KCNIP4: variants seen among roughly 807,000 people sequenced by gnomAD.
KCNIP4 encodes potassium voltage-gated channel interacting protein 4, also known as Kv channel-interacting protein 4.
Under a neutral mutation model 34.0 loss-of-function variants are expected in KCNIP4, and 12 were observed. The ratio of observed to expected loss-of-function variants is 0.35; its 90% confidence interval spans 0.23 to 0.57. KCNIP4 has a LOEUF of 0.57. Ranked by LOEUF, KCNIP4 falls within the 20% of genes least tolerant of loss-of-function variation. KCNIP4 has a pLI of 0.83. For synonymous variants in KCNIP4, 124 were observed against 102.2 expected (o/e 1.21, Z -1.29); for missense variants, 238 against 311.7 (o/e 0.76, Z 1.78).
chr4:21,683,207 C>G (rs1397379564), intron 1 of KCNIP4, among the ~76,000 whole-genome samples: 1 of 152,104 alleles, frequency 6.6e-6, no homozygotes, highest in Non-Finnish European at 1.5e-5. Context: ...ATGTGCCACA[C>G]ATATTAAAGA....
At chr4:21,834,938 G>T (rs1020350222) in intron 1 of KCNIP4, among the ~76,000 whole-genome samples, 4 of 152,076 alleles carry the variant, frequency 2.6e-5, no homozygotes, top group Non-Finnish European at 5.9e-5. Context: ...TCCCAGGGAT[G>T]AAGCCCACTT....
intron 1 of KCNIP4, among the ~76,000 whole-genome samples, chr4:21,272,333 A>G (rs1018007987): frequency 1.5e-4 from 23 of 152,210 alleles, no homozygotes; most frequent in Admixed American, 1.4e-3. Flanking sequence ...ATTTATTCAT[A>G]TATAAAAACA....
chr4:21,317,597 A>G (rs1292376580), intron 1 of KCNIP4, among the ~76,000 whole-genome samples: 3 of 152,224 alleles, frequency 2.0e-5, no homozygotes, highest in African/African-American at 7.2e-5. Context: ...ATATTTATCA[A>G]GAAATCATTG....
chr4:20,885,892 C>T (rs1725252791), intron 1 of KCNIP4, among the ~76,000 whole-genome samples: 1 of 152,150 alleles, frequency 6.6e-6, no homozygotes, highest in Admixed American at 6.5e-5. Flanking sequence ...ACTTTCTCTT[C>T]ATCTGGTTAA....
intron 2 of KCNIP4, among the ~76,000 whole-genome samples, chr4:20,853,638 A>T (rs1721271821): frequency 6.6e-6 from 1 of 152,188 alleles, no homozygotes; most frequent in African/African-American, 2.4e-5. Context: ...AAAAACAAAG[A>T]TAAATAGCTG....
At chr4:20,840,449 C>T (rs527944187) in intron 3 of KCNIP4, among the ~76,000 whole-genome samples, 14 of 152,268 alleles carry the variant, frequency 9.2e-5, no homozygotes, top group South Asian at 6.2e-4. Context: ...CATAGGAAGA[C>T]GTATTTCTCA....
chr4:21,526,936 A>T (rs1736021603), intron 1 of KCNIP4, among the ~76,000 whole-genome samples: 1 of 152,156 alleles, frequency 6.6e-6, no homozygotes, highest in African/African-American at 2.4e-5. Flanking sequence ...CCCACAACAA[A>T]TCACAAAAGG....
intron 1 of KCNIP4, among the ~76,000 whole-genome samples, chr4:21,102,941 A>G (rs1224140887): frequency 1.3e-5 from 2 of 152,188 alleles, no homozygotes; most frequent in African/African-American, 2.4e-5. Flanking sequence ...AATGTGAGTC[A>G]AACCACAGAT....
intron 1 of KCNIP4, among the ~76,000 whole-genome samples, chr4:21,309,554 C>T (rs1712896008): frequency 6.6e-6 from 1 of 152,094 alleles, no homozygotes; most frequent in Non-Finnish European, 1.5e-5. Flanking sequence ...ATGATAATAG[C>T]TCATGTGTGT....
At chr4:20,915,970 A>T (rs1242793532) in intron 1 of KCNIP4, among the ~76,000 whole-genome samples, 2 of 152,148 alleles carry the variant, frequency 1.3e-5, no homozygotes, top group African/African-American at 4.8e-5. Flanking sequence ...CTGCATTCTT[A>T]CACTCTCCCA....
chr4:20,871,372 G>A (rs1462543893), intron 2 of KCNIP4, among the ~76,000 whole-genome samples: 1 of 151,868 alleles, frequency 6.6e-6, no homozygotes, highest in Admixed American at 6.6e-5. Context: ...GTAATATTAA[G>A]ACCATCAAAC....
At chr4:21,053,587 A>G (rs1489867449) in intron 1 of KCNIP4, among the ~76,000 whole-genome samples, 1 of 152,220 alleles carries the variant, frequency 6.6e-6, no homozygotes, top group African/African-American at 2.4e-5. Flanking sequence ...CTTTGTTCTC[A>G]GATGACATGG....
intron 1 of KCNIP4, among the ~76,000 whole-genome samples, chr4:21,497,945 A>C (rs1732985641): frequency 1.3e-5 from 2 of 152,192 alleles, no homozygotes; most frequent in African/African-American, 4.8e-5. Context: ...CTTTCAGTGC[A>C]AAGATATCTG....
intron 3 of KCNIP4, among the ~76,000 whole-genome samples, chr4:20,847,817 G>A (rs754039719): frequency 9.2e-5 from 14 of 152,126 alleles, no homozygotes; most frequent in African/African-American, 7.2e-5. Flanking sequence ...ATATGTTGAC[G>A]AATGGTTTAT....
At chr4:21,238,833 C>T (rs1399811720) in intron 1 of KCNIP4, among the ~76,000 whole-genome samples, 1 of 152,126 alleles carries the variant, frequency 6.6e-6, no homozygotes, top group African/African-American at 2.4e-5. Flanking sequence ...AATGCCATCC[C>T]CATCAAGCTA....
At chr4:20,913,690 CTGGA>C (rs1728548408) in intron 1 of KCNIP4, among the ~76,000 whole-genome samples, 2 of 152,298 alleles carry the variant, frequency 1.3e-5, no homozygotes, top group East Asian at 3.9e-4. Context: ...GGTTAAGCAG[CTGGA>C]CAGAATGAAT....
At chr4:21,614,141 T>A (rs1459356423) in intron 1 of KCNIP4, among the ~76,000 whole-genome samples, 1 of 117,786 alleles carries the variant, frequency 8.5e-6, no homozygotes, top group African/African-American at 3.1e-5. Context: ...CGAGACTCTA[T>A]CTCAAAAAAA....
At chr4:21,495,572 G>C (rs1732781933) in intron 1 of KCNIP4, among the ~76,000 whole-genome samples, 1 of 151,906 alleles carries the variant, frequency 6.6e-6, no homozygotes, top group African/African-American at 2.4e-5. Context: ...TGACCACAGT[G>C]ATTGTTAAAC....
intron 1 of KCNIP4, among the ~76,000 whole-genome samples, chr4:21,140,501 C>T (rs998853480): frequency 6.6e-6 from 1 of 152,104 alleles, no homozygotes; most frequent in South Asian, 2.1e-4. Context: ...TAACGCACCT[C>T]CTCTGTGCCT....
Sources: gnomAD v4.1 joint callset for allele counts (sites outside exome capture counted in the v4.1 genomes callset) on GRCh38, gnomAD v4.1.1 for gene constraint, MANE v1.5 for transcripts, NCBI Gene and HGNC (gene_info 2026-07-23, HGNC 2026-07-21) for gene names.